The following SH3KBP1 variants were observed in gnomAD, a reference collection of about 807,000 sequenced individuals.
The protein encoded by SH3KBP1 is SH3 domain containing kinase binding protein 1.
In SH3KBP1, 8 loss-of-function variants were observed where a neutral mutation model predicts 50.1. That is an observed-to-expected ratio of 0.16 (90% CI 0.09 to 0.29). SH3KBP1 has a LOEUF of 0.29. SH3KBP1 is among the 10% of genes least tolerant of loss of function. The pLI is 1.00. For synonymous variants in SH3KBP1, 227 were observed against 218.6 expected (o/e 1.04, Z -0.34); for missense variants, 377 against 535.2 (o/e 0.70, Z 2.92).
chrX:19,874,069 AT>A (rs1336628705), intron 1 of SH3KBP1, among the ~76,000 whole-genome samples: 187 of 59,344 alleles, frequency 3.2e-3, no homozygotes, highest in East Asian at 0.012. Context: ...AAAAAAAAAA[AT>A]ATATATATAT....
intron 15 of SH3KBP1, 49 bp from the exon 16 acceptor site, chrX:19,542,242 T>C: frequency 1.8e-6 from 2 of 1,105,514 alleles, no homozygotes; most frequent in African/African-American, 1.8e-5. Flanking sequence ...ATTTGTGTGC[T>C]GCGTCTTTGT....
At chrX:19,666,417 T>C (rs1292635838) in intron 6 of SH3KBP1, among the ~76,000 whole-genome samples, 1 of 110,906 alleles carries the variant, frequency 9.0e-6, no homozygotes, top group East Asian at 2.8e-4. Context: ...ACCAAGTAAC[T>C]ACCTGGGCAC....
chrX:19,704,254 T>G (rs2063600677), intron 4 of SH3KBP1, among the ~76,000 whole-genome samples: 1 of 112,724 alleles, frequency 8.9e-6, no homozygotes, highest in Non-Finnish European at 1.9e-5. Context: ...GTATTGTAGA[T>G]GATGGCAAAG....
chrX:19,648,165 T>C (rs1316294609), intron 6 of SH3KBP1: 1 of 348,473 alleles, frequency 2.9e-6, no homozygotes. Flanking sequence ...GGAACTTGAG[T>C]ACAGTAGATC....
chrX:19,887,167 A>T, intron 1 of SH3KBP1, 140 bp downstream of exon 1: 1 of 461,648 alleles, frequency 2.2e-6, no homozygotes, highest in Middle Eastern at 7.8e-4. Flanking sequence ...GGGGTGCGCG[A>T]GGCAGGCGAG....
intron 6 of SH3KBP1, among the ~76,000 whole-genome samples, chrX:19,680,017 A>G (rs1210343238): frequency 8.9e-6 from 1 of 111,755 alleles, no homozygotes; most frequent in African/African-American, 3.3e-5. Context: ...GGGTAGGGTA[A>G]TATAGATTAA....
At chrX:19,780,656 A>C (rs1300914835) in intron 2 of SH3KBP1, among the ~76,000 whole-genome samples, 3 of 106,544 alleles carry the variant, frequency 2.8e-5, no homozygotes, top group South Asian at 4.3e-4. Context: ...TCAGCTTTCC[A>C]CATATGGCTA....
At chrX:19,815,563 C>A (rs1475718102) in intron 2 of SH3KBP1, among the ~76,000 whole-genome samples, 1 of 110,001 alleles carries the variant, frequency 9.1e-6, no homozygotes, top group Non-Finnish European at 1.9e-5. Context: ...CAAATCTACA[C>A]ACTGGATCAC....
chrX:19,701,263 A>C (rs1890990531), intron 4 of SH3KBP1, among the ~76,000 whole-genome samples: 1 of 111,984 alleles, frequency 8.9e-6, no homozygotes, highest in Non-Finnish European at 1.9e-5. Context: ...TGATGAATCA[A>C]GATCCTCAAG....
intron 3 of SH3KBP1, among the ~76,000 whole-genome samples, chrX:19,735,313 C>T (rs55876687): frequency 0.017 from 1,857 of 110,533 alleles, 19 homozygotes; most frequent in Non-Finnish European, 0.028. Flanking sequence ...TTTATTTCCA[C>T]TGTAACCTTT....
chrX:19,873,273 CATATATATATATATATGTATATAT>C (rs954295291), intron 1 of SH3KBP1, among the ~76,000 whole-genome samples: 964 of 78,593 alleles, frequency 0.012, 15 homozygotes, highest in African/African-American at 0.049. Flanking sequence ...AAAACAAGGA[CATATATATATATATATGTATATAT>C]ATATATATAT....
At chrX:19,793,830 G>A (rs2066618650) in intron 2 of SH3KBP1, among the ~76,000 whole-genome samples, 1 of 110,878 alleles carries the variant, frequency 9.0e-6, no homozygotes, top group South Asian at 3.8e-4. Context: ...CCAGAACTTA[G>A]TGATCAGACA....
chrX:19,806,804 C>T (rs2067061562), intron 2 of SH3KBP1, among the ~76,000 whole-genome samples: 2 of 112,316 alleles, frequency 1.8e-5, no homozygotes, highest in African/African-American at 6.5e-5. Context: ...TAGGCAGTTT[C>T]AGCAGCCAAT....
intron 2 of SH3KBP1, among the ~76,000 whole-genome samples, chrX:19,793,313 A>AAAATATATAT (rs1418807395): frequency 2.6e-4 from 25 of 96,970 alleles, no homozygotes; most frequent in African/African-American, 8.6e-4. Flanking sequence ...AGGAAAAAAA[A>AAAATATATAT]ATATATATAT....
intron 6 of SH3KBP1, among the ~76,000 whole-genome samples, chrX:19,646,424 C>T (rs763816677): frequency 7.2e-5 from 8 of 111,749 alleles, no homozygotes; most frequent in Non-Finnish European, 1.3e-4. Flanking sequence ...TGCTACCACA[C>T]GTGTGTGATC....
chrX:19,583,698 AC>A (rs2066454069), intron 12 of SH3KBP1, among the ~76,000 whole-genome samples: 1 of 108,069 alleles, frequency 9.3e-6, no homozygotes, highest in African/African-American at 3.4e-5. Context: ...ATTCCTAAAA[AC>A]TGTGAACTGG....
At chrX:19,569,979 C>T (rs2065957996) in intron 12 of SH3KBP1, among the ~76,000 whole-genome samples, 1 of 112,053 alleles carries the variant, frequency 8.9e-6, no homozygotes, top group Admixed American at 9.5e-5. Flanking sequence ...AGATCCTTGC[C>T]CATAAAATGA....
chrX:19,611,332 T>G (rs1413351735), intron 8 of SH3KBP1, among the ~76,000 whole-genome samples: 1 of 111,853 alleles, frequency 8.9e-6, no homozygotes, highest in East Asian at 2.8e-4. Context: ...TTGGTTTTTT[T>G]TGTGGTTTTT....
At chrX:19,862,131 T>C (rs2068792717) in intron 1 of SH3KBP1, among the ~76,000 whole-genome samples, 1 of 111,967 alleles carries the variant, frequency 8.9e-6, no homozygotes, top group African/African-American at 3.2e-5. Flanking sequence ...ATCTCACCTG[T>C]TTAGAATTTC....
Sources: allele counts gnomAD v4.1 joint callset (sites outside exome capture counted in the v4.1 genomes callset), GRCh38; gene constraint gnomAD v4.1.1; transcripts MANE v1.5; gene names NCBI Gene and HGNC (gene_info 2026-07-23, HGNC 2026-07-21).